TMEM39B: variants seen among roughly 807,000 people sequenced by gnomAD.
TMEM39B encodes the protein transmembrane protein 39B.
In TMEM39B, 23 loss-of-function variants were observed where a neutral mutation model predicts 52.2. The ratio of observed to expected loss-of-function variants is 0.44; its 90% CI spans 0.32 to 0.62. The LOEUF is 0.62. TMEM39B is among the 20% of genes least tolerant of loss of function. The pLI, the probability that TMEM39B is intolerant of heterozygous loss-of-function variation, is 0.06. For missense variants in TMEM39B, 547 were observed against 642.0 expected (o/e 0.85, Z 1.60); for synonymous variants, 285 against 264.0 (o/e 1.08, Z -0.77).
intron 7 of TMEM39B, among the ~76,000 whole-genome samples, chr1:32,096,345 A>G (rs1640805151): frequency 6.6e-6 from 1 of 151,764 alleles, no homozygotes; most frequent in South Asian, 2.1e-4. Flanking sequence ...CATTGCATTT[A>G]ATGCTGTCTA....
intron 6 of TMEM39B, among the ~76,000 whole-genome samples, chr1:32,092,948 T>C (rs1448406675): frequency 6.6e-6 from 1 of 152,214 alleles, no homozygotes; most frequent in Non-Finnish European, 1.5e-5. Flanking sequence ...AACACAGACA[T>C]GTCACAATGT....
intron 6 of TMEM39B, among the ~76,000 whole-genome samples, chr1:32,092,604 C>T (rs1202740751): frequency 6.6e-6 from 1 of 152,184 alleles, no homozygotes; most frequent in African/African-American, 2.4e-5. Context: ...AGTTCTCCTG[C>T]ATCAGCCTCC....
intron 5 of TMEM39B, among the ~76,000 whole-genome samples, chr1:32,081,946 T>C (rs1295572179): frequency 1.3e-5 from 2 of 152,142 alleles, no homozygotes; most frequent in Admixed American, 1.3e-4. Context: ...TCTACGCATA[T>C]ACAAACATAC....
chr1:32,087,243 G>A (rs1366072985), intron 5 of TMEM39B, among the ~76,000 whole-genome samples: 3 of 151,094 alleles, frequency 2.0e-5, no homozygotes, highest in Non-Finnish European at 2.9e-5. Context: ...TCTTGAACCC[G>A]GGAGGGGGAG....
chr1:32,072,852 C>G, upstream of TMEM39B: 1 of 609,332 alleles, frequency 1.6e-6, no homozygotes, highest in Non-Finnish European at 2.7e-6. Context: ...GGCACCGCCT[C>G]CGTCCGGGCG....
At chr1:32,091,232 C>T (rs1185226894) in intron 5 of TMEM39B, among the ~76,000 whole-genome samples, 4 of 151,128 alleles carry the variant, frequency 2.6e-5, no homozygotes, top group Non-Finnish European at 1.5e-5. Flanking sequence ...GAATTTACTT[C>T]ACCTTTCTGA....
In TMEM39B at chr1:32,075,589, C is replaced by T. The variant is rs1434651747; in HGVS notation, c.132-14C>T. 1 of 1,543,356 alleles carries T rather than the reference C, an allele frequency of 6.5e-7. No homozygotes were observed. Among genetic ancestry groups the T allele is most frequent in the Admixed American group, 2.0e-5 (1 of 50,826 alleles). ...TCAGGTCAGCTGCTGATGTTGTTCC[C>T]TCCCCACTGTCAGGAGCAGTTCTGG... On this transcript the variant is annotated splice_polypyrimidine_tract_variant and intron_variant, in intron 2 of 8. Coordinates refer to ENST00000336294, the MANE Select transcript of TMEM39B (RefSeq NM_018056.4).
In TMEM39B at chr1:32,102,418, C is replaced by T. The variant is rs757209690; in HGVS notation, c.1237-13C>T. 1.6e-5 allele frequency: 26 copies of T among 1,610,792 alleles called. No individual in the cohort carries two copies. Among genetic ancestry groups the T allele is most frequent in the East Asian group, 6.7e-5 (3 of 44,718 alleles). ...AGCACACCTTTTAGCCATGCCCACCCGCTTCCGGGCAGTTCTTTTTCAGCA... is the reference window on the plus strand; with the variant it reads ...AGCACACCTTTTAGCCATGCCCACCTGCTTCCGGGCAGTTCTTTTTCAGCA... On this transcript the variant is annotated splice_polypyrimidine_tract_variant and intron_variant, in intron 8 of 8. Transcript: ENST00000336294.
intron 7 of TMEM39B, chr1:32,095,727 TG>T (rs913966263): frequency 6.6e-6 from 1 of 152,404 alleles, no homozygotes; most frequent in Admixed American, 6.6e-5. Context: ...GGACAAGGCT[TG>T]GCAGAGAGGA....
intron 5 of TMEM39B, among the ~76,000 whole-genome samples, chr1:32,083,762 A>G (rs1640218266): frequency 6.6e-6 from 1 of 152,092 alleles, no homozygotes; most frequent in South Asian, 2.1e-4. Flanking sequence ...CCAGCTACTC[A>G]GGAGGCTAAG....
chr1:32,095,112 G>A (rs1247603604), intron 7 of TMEM39B, 141 bp downstream of exon 7: 2 of 925,778 alleles, frequency 2.2e-6, no homozygotes, highest in African/African-American at 3.3e-5. Flanking sequence ...AGGTGTCCAG[G>A]GTGGGGTATG....
Position 32,092,026 on chromosome 1 carries a change from C to A in TMEM39B, c.927+15C>A. 6.2e-7 allele frequency: 1 copy of A among 1,606,602 alleles called. No individual in the cohort carries two copies. On this transcript the variant is annotated intron_variant, in intron 6 of 8. Coordinates refer to ENST00000336294, the MANE Select transcript of TMEM39B (RefSeq NM_018056.4). The stretch of plus-strand genomic sequence containing the variant: ...GGTTCGTGAAGGTGCGTACCTCAAG[C>A]CAGGGAGGGAAAGGGACTAGCTGGG...
upstream of TMEM39B, chr1:32,072,597 G>A (rs1237634431): frequency 5.5e-6 from 1 of 183,148 alleles, no homozygotes; most frequent in Non-Finnish European, 1.2e-5. Context: ...CCTAAGAGAA[G>A]GATGAAGCGC....
intron 5 of TMEM39B, among the ~76,000 whole-genome samples, chr1:32,089,397 G>A (rs1234200922): frequency 6.6e-6 from 1 of 151,968 alleles, no homozygotes; most frequent in Non-Finnish European, 1.5e-5. Context: ...CTCCCGAAGT[G>A]CTGGGATTAC....
intron 5 of TMEM39B, among the ~76,000 whole-genome samples, chr1:32,087,187 A>T (rs909820031): frequency 3.3e-5 from 5 of 151,972 alleles, no homozygotes. Context: ...GGGTTAAGTA[A>T]AATAGAATCT....
rs3831938 is a variant in TMEM39B at position 32,075,839 on chromosome 1, G to GGTGTGT, written c.351+37_351+42dup. ...ACCTCCCTGGTAGGTACCCAACAAG[G>GGTGTGT]GTGTGTGTGTGTGTGTGTGTGTGTG... On this transcript the variant is annotated intron_variant, in intron 3 of 8. Transcript: ENST00000336294. 11 of 1,260,890 alleles carry GGTGTGT rather than the reference G, an allele frequency of 8.7e-6. No homozygotes were observed. The highest frequency in any genetic ancestry group is 2.7e-4 in the Middle Eastern group (1 of 3,652). 78.1% of individuals were successfully genotyped at this position (1,260,890 alleles called of 1,614,324 possible).
chr1:32,078,496 A>T (rs1639958933), intron 5 of TMEM39B, among the ~76,000 whole-genome samples: 1 of 152,070 alleles, frequency 6.6e-6, no homozygotes, highest in Admixed American at 6.6e-5. Flanking sequence ...AAAAAAAAAA[A>T]CATTATAATG....
At chr1:32,094,316 A>G (rs1413683802) in intron 6 of TMEM39B, among the ~76,000 whole-genome samples, 3 of 145,484 alleles carry the variant, frequency 2.1e-5, no homozygotes, top group South Asian at 4.4e-4. Context: ...TAGTAGAGAC[A>G]GGGTTTCACT....
chr1:32,088,928 T>C (rs481679), intron 5 of TMEM39B, among the ~76,000 whole-genome samples: 20 of 152,084 alleles, frequency 1.3e-4, no homozygotes, highest in Non-Finnish European at 2.4e-4. Flanking sequence ...AAAATTCTAT[T>C]GATCATCTAT....
Sources: gnomAD v4.1 joint callset for allele counts (sites outside exome capture counted in the v4.1 genomes callset) on GRCh38, gnomAD v4.1.1 for gene constraint, MANE v1.5 for transcripts, NCBI Gene and HGNC (gene_info 2026-07-23, HGNC 2026-07-21) for gene names.